The following RNF111 variants were observed in gnomAD, a reference collection of about 807,000 sequenced individuals.
RNF111 encodes E3 ubiquitin-protein ligase Arkadia.
Under a neutral mutation model 95.1 loss-of-function variants are expected in RNF111, and 17 were observed. The ratio of observed to expected loss-of-function variants is 0.18; its 90% CI spans 0.12 to 0.27. The LOEUF (loss-of-function observed/expected upper bound fraction) is 0.27, where lower values mean the gene tolerates loss of function less well. Ranked by LOEUF, RNF111 falls within the 10% of genes least tolerant of loss-of-function variation. The pLI is 1.00. For synonymous variants in RNF111, 440 were observed against 414.8 expected, an observed-to-expected ratio of 1.06 and a Z score of -0.74; for missense variants, 1,189 against 1,210.4, an observed-to-expected ratio of 0.98 and a Z score of 0.26.
chr15:59,027,876 A>C lies in RNF111; in HGVS notation c.-19-2928A>C, dbSNP rs1281072828. 6.9e-5 allele frequency among the ~76,000 whole-genome samples: 10 copies of C among 144,170 alleles called. No homozygotes were observed. The East Asian group carries it at 2.0e-3, about 29-fold the overall frequency. The allele number at this position is 144,170 out of a possible 152,430, so 94.6% of individuals were successfully genotyped here. A position where few individuals can be genotyped will look rare whatever the true frequency, so the allele number is the denominator to read the frequency against. On this transcript the variant is annotated intron_variant, in intron 1 of 13. Transcript: ENST00000348370. ...TCCCCACTCTTGTTGTCCAAGCTGG[A>C]GTGCAGTGGTGTGATCTCAGCTCAC...
intron 5 of RNF111, among the ~76,000 whole-genome samples, chr15:59,064,117 A>G (rs1169416726): frequency 6.6e-6 from 1 of 152,218 alleles, no homozygotes; most frequent in Non-Finnish European, 1.5e-5. Context: ...ACTTTTGATC[A>G]TGGTCAGTTC....
intron 3 of RNF111, among the ~76,000 whole-genome samples, chr15:59,052,931 T>C (rs554310746): frequency 2.0e-4 from 31 of 152,326 alleles, no homozygotes; most frequent in African/African-American, 6.7e-4. Context: ...TTTAATGATA[T>C]GGAGAATTGA....
At chr15:59,058,997 G>C (rs1297364480) in intron 5 of RNF111, among the ~76,000 whole-genome samples, 1 of 152,188 alleles carries the variant, frequency 6.6e-6, no homozygotes, top group Non-Finnish European at 1.5e-5. Flanking sequence ...TGCCCAACAG[G>C]CCGGGTGTGA....
intron 1 of RNF111, among the ~76,000 whole-genome samples, chr15:59,028,109 C>T (rs1297442509): frequency 2.6e-5 from 4 of 152,210 alleles, no homozygotes; most frequent in Admixed American, 2.6e-4. Context: ...TTGGCCACCG[C>T]GCCTGGCCAG....
intron 1 of RNF111, among the ~76,000 whole-genome samples, chr15:59,029,875 T>G (rs1197662371): frequency 1.3e-5 from 2 of 152,242 alleles, no homozygotes; most frequent in South Asian, 4.1e-4. Context: ...TATGCTATAC[T>G]TAATAAAAAC....
intron 1 of RNF111, among the ~76,000 whole-genome samples, chr15:59,021,687 T>C (rs1419079322): frequency 6.6e-6 from 1 of 152,148 alleles, no homozygotes; most frequent in African/African-American, 2.4e-5. Flanking sequence ...ATGGCCAAGA[T>C]TACATAGGGG....
chr15:59,009,876 A>C (rs568855314), intron 1 of RNF111, among the ~76,000 whole-genome samples: 53 of 152,276 alleles, frequency 3.5e-4, no homozygotes, highest in African/African-American at 1.2e-3. Context: ...GGATCACTTG[A>C]GCCCAGGAAG....
At chr15:59,027,610 C>T (rs2141720521) in intron 1 of RNF111, among the ~76,000 whole-genome samples, 1 of 151,888 alleles carries the variant, frequency 6.6e-6, no homozygotes, top group Non-Finnish European at 1.5e-5. Context: ...CTCACTGCAA[C>T]CTATGTCTCC....
intron 5 of RNF111, among the ~76,000 whole-genome samples, chr15:59,061,163 A>C (rs189773980): frequency 5.9e-5 from 9 of 152,290 alleles, no homozygotes; most frequent in African/African-American, 1.9e-4. Flanking sequence ...AGAATATTCC[A>C]AAAACTTTTA....
chr15:59,084,341 A>G, intron 9 of RNF111, 87 bp downstream of exon 9: 1 of 1,298,444 alleles, frequency 7.7e-7, no homozygotes, highest in Non-Finnish European at 1.0e-6. Context: ...ATTGCTTTGC[A>G]GAAGGATGAT....
At chr15:59,022,979 G>C (rs142635499) in intron 1 of RNF111, among the ~76,000 whole-genome samples, 110 of 152,342 alleles carry the variant, frequency 7.2e-4, no homozygotes, top group African/African-American at 2.5e-3. Context: ...GGGCGCGGTG[G>C]CTTACGCCTG....
chr15:59,002,628 A>G (rs1393440999), intron 1 of RNF111, among the ~76,000 whole-genome samples: 1 of 152,080 alleles, frequency 6.6e-6, no homozygotes, highest in East Asian at 1.9e-4. Context: ...CTTTGCTATC[A>G]GGTCTTAGGC....
intron 5 of RNF111, among the ~76,000 whole-genome samples, chr15:59,063,105 C>T (rs1167264578): frequency 1.3e-5 from 2 of 152,104 alleles, no homozygotes; most frequent in Non-Finnish European, 2.9e-5. Flanking sequence ...CCTTAAGGGC[C>T]AAAGAGCAAG....
At chr15:59,056,831 G>C (rs760395750) in intron 4 of RNF111, among the ~76,000 whole-genome samples, 10 of 152,180 alleles carry the variant, frequency 6.6e-5, no homozygotes, top group African/African-American at 1.2e-4. Context: ...AATATAGGGT[G>C]ACTATTTTGG....
intron 2 of RNF111, among the ~76,000 whole-genome samples, chr15:59,033,972 A>G (rs1382340646): frequency 6.6e-6 from 1 of 152,242 alleles, no homozygotes; most frequent in Admixed American, 6.5e-5. Flanking sequence ...CATTCACACG[A>G]TATGGAATTT....
intron 1 of RNF111, among the ~76,000 whole-genome samples, chr15:59,011,017 T>A (rs1390239737): frequency 1.3e-5 from 2 of 152,178 alleles, no homozygotes; most frequent in Non-Finnish European, 2.9e-5. Context: ...AGACAGATAG[T>A]TGTTTGAATT....
chr15:59,002,093 G>C lies in RNF111; in HGVS notation c.-20+14025G>C, dbSNP rs535020555. ...CATAAGCGGTTAAAGCTTGTGAGCT[G>C]TTTATTTCTAGAGTTTTTTCTTTAA... is the stretch of plus-strand genomic sequence containing the variant. On this transcript the variant is annotated intron_variant, in intron 1 of 13. Coordinates refer to ENST00000348370, the MANE Select transcript of RNF111 (RefSeq NM_017610.8). Among the ~76,000 whole-genome samples the C allele has an allele frequency of 1.1e-3, 169 of 152,282 alleles. 1 individual carries two copies. Among genetic ancestry groups the C allele is most frequent in the Non-Finnish European group, 1.9e-3 (131 of 68,026 alleles).
chr15:59,022,688 A>T (rs908532439), intron 1 of RNF111, among the ~76,000 whole-genome samples: 1 of 152,188 alleles, frequency 6.6e-6, no homozygotes, highest in Non-Finnish European at 1.5e-5. Context: ...CTCCATATAA[A>T]TCATTCTTCC....
intron 8 of RNF111, among the ~76,000 whole-genome samples, chr15:59,083,552 A>G (rs560530664): frequency 2.0e-4 from 31 of 151,836 alleles, no homozygotes; most frequent in African/African-American, 7.0e-4. Flanking sequence ...AAAAAAAAGT[A>G]TGAATCAAGC....
Sources: allele counts gnomAD v4.1 joint callset (sites outside exome capture counted in the v4.1 genomes callset), GRCh38; gene constraint gnomAD v4.1.1; transcripts MANE v1.5; gene names NCBI Gene and HGNC (gene_info 2026-07-23, HGNC 2026-07-21).